The following DOCK2 variants were observed in gnomAD, a reference collection of about 807,000 sequenced individuals.
The protein encoded by DOCK2 is dedicator of cytokinesis 2, also known as dedicator of cytokinesis protein 2.
DOCK2 carries 87 observed loss-of-function variants against 248.9 expected under a neutral mutation model. That is an observed-to-expected ratio of 0.35 (90% confidence interval 0.29 to 0.42). The LOEUF is 0.42. Among genes scored for constraint, DOCK2 ranks in the 10% least tolerant of loss-of-function variants. The pLI is 1.00. For missense variants in DOCK2, 1,747 were observed against 2,300.2 expected (o/e 0.76, Z 4.92); for synonymous variants, 805 against 821.6 (o/e 0.98, Z 0.35).
intron 22 of DOCK2, among the ~76,000 whole-genome samples, chr5:169,728,534 C>T (rs1396632658): frequency 2.0e-5 from 3 of 152,012 alleles, no homozygotes; most frequent in African/African-American, 4.8e-5. Context: ...GAGGGAGTGT[C>T]GGCAGTGTCA....
chr5:169,867,834 C>A, intron 27 of DOCK2, among the ~76,000 whole-genome samples: 1 of 152,124 alleles, frequency 6.6e-6, no homozygotes, highest in East Asian at 1.9e-4. Flanking sequence ...CTTCATTCTC[C>A]CCAGTGGAAA....
chr5:169,658,412 G>A (rs1276654941), intron 2 of DOCK2, among the ~76,000 whole-genome samples: 1 of 145,046 alleles, frequency 6.9e-6, no homozygotes. Context: ...CCTGGGAGGC[G>A]GAGCTTGCAG....
chr5:170,019,005 T>C lies in DOCK2; in HGVS notation c.3278T>C (p.Leu1093Ser), dbSNP rs756069267. The change falls in exon 33 of 52, where the codon TTA becomes TCA. Residue 1093 changes from leucine (L) to serine (S), a missense_variant. Leu to Ser is a moderately radical substitution (Grantham distance 145, BLOSUM62 -2). This residue lies in a region of DOCK2 where 858 missense variants were observed against 1,183.5 expected (regional missense o/e 0.72). Coordinates refer to ENST00000520908, the MANE Select transcript of DOCK2 (RefSeq NM_004946.3). ...CFIPGMVGPI[L>S]EMTLIPEAEL... ...ATCCCAGGCATGGTAGGACCTATATTAGAGATGACACTTATCCCTGAGGCT... is the reference window on the plus strand; with the variant it reads ...ATCCCAGGCATGGTAGGACCTATATCAGAGATGACACTTATCCCTGAGGCT... 6.2e-7 allele frequency: 1 copy of C among 1,613,964 alleles called. No individual in the cohort carries two copies. The highest frequency in any genetic ancestry group is 1.3e-5 in the African/African-American group (1 of 74,912).
chr5:169,644,968 A>T (rs1198204996), intron 1 of DOCK2, among the ~76,000 whole-genome samples: 2 of 152,202 alleles, frequency 1.3e-5, no homozygotes, highest in Non-Finnish European at 2.9e-5. Context: ...TGCAAAGGAC[A>T]TGATCTCATT....
intron 20 of DOCK2, among the ~76,000 whole-genome samples, chr5:169,717,011 A>T (rs905403135): frequency 6.6e-6 from 1 of 152,224 alleles, no homozygotes; most frequent in Non-Finnish European, 1.5e-5. Context: ...AAGATGTTTC[A>T]TGACAAATAT....
intron 22 of DOCK2, among the ~76,000 whole-genome samples, chr5:169,732,400 C>T (rs1241968578): frequency 3.3e-5 from 5 of 152,136 alleles, no homozygotes; most frequent in Non-Finnish European, 7.4e-5. Context: ...ACGCCCGTTG[C>T]TTCAGTTATC....
chr5:169,705,098 G>A (rs1418653856), intron 14 of DOCK2, among the ~76,000 whole-genome samples: 2 of 152,090 alleles, frequency 1.3e-5, no homozygotes, highest in Non-Finnish European at 2.9e-5. Flanking sequence ...GGAGGCAGAG[G>A]TTGCAGTGAG....
At chr5:169,688,799 G>A (rs1311817074) in intron 8 of DOCK2, among the ~76,000 whole-genome samples, 1 of 152,178 alleles carries the variant, frequency 6.6e-6, no homozygotes, top group Non-Finnish European at 1.5e-5. Context: ...CAAGGAAACA[G>A]CTCTACATTC....
intron 26 of DOCK2, among the ~76,000 whole-genome samples, chr5:169,825,273 T>A (rs1171714296): frequency 6.6e-6 from 1 of 152,176 alleles, no homozygotes; most frequent in Non-Finnish European, 1.5e-5. Context: ...TTACTGGGTA[T>A]ATACCCAAAG....
At position 169,983,176 on chromosome 5, in the gene DOCK2, C is replaced by A; in HGVS notation, c.2898+10C>A. ...CAGCTCTGAACTTGTGGTGAGTCTG[C>A]AGGATGCTGGGGGTGAGGAAGAACT... On this transcript the variant is annotated intron_variant, in intron 28 of 51. Transcript: ENST00000520908. The A allele has an allele frequency of 6.2e-7, 1 of 1,613,752 alleles. No homozygotes were observed. The highest frequency in any genetic ancestry group is 8.5e-7 in the Non-Finnish European group (1 of 1,179,640).
At chr5:169,820,438 C>G (rs1167217709) in intron 26 of DOCK2, among the ~76,000 whole-genome samples, 1 of 152,240 alleles carries the variant, frequency 6.6e-6, no homozygotes, top group Non-Finnish European at 1.5e-5. Context: ...GAGGAACGAT[C>G]AGGCAGCAAC....
chr5:169,781,512 G>T (rs1367174651), intron 25 of DOCK2, among the ~76,000 whole-genome samples: 1 of 152,226 alleles, frequency 6.6e-6, no homozygotes, highest in Admixed American at 6.5e-5. Context: ...TGCCAGGACA[G>T]CATAGAACAA....
intron 27 of DOCK2, among the ~76,000 whole-genome samples, chr5:169,926,399 G>C (rs1775458648): frequency 6.6e-6 from 1 of 152,198 alleles, no homozygotes; most frequent in South Asian, 2.1e-4. Context: ...TATACATGCT[G>C]GCATTACTGT....
At chr5:170,080,315 G>T in intron 50 of DOCK2, 32 bp downstream of exon 50, 2 of 1,613,016 alleles carry the variant, frequency 1.2e-6, no homozygotes, top group South Asian at 2.2e-5. Context: ...GCATGAGGGA[G>T]TAGAGATAGT....
chr5:169,843,911 G>A (rs1387607652), intron 27 of DOCK2, among the ~76,000 whole-genome samples: 1 of 152,132 alleles, frequency 6.6e-6, no homozygotes, highest in Non-Finnish European at 1.5e-5. Context: ...CTGAATAATA[G>A]TGCATTATAT....
chr5:170,063,192 G>A (rs187775599), intron 44 of DOCK2, among the ~76,000 whole-genome samples: 86 of 152,298 alleles, frequency 5.6e-4, no homozygotes, highest in African/African-American at 1.9e-4. Flanking sequence ...CATTCCCTGA[G>A]AGTTGGTGCA....
chr5:169,747,246 C>A, intron 22 of DOCK2, 150 bp from the exon 23 acceptor site: 1 of 615,064 alleles, frequency 1.6e-6, no homozygotes, highest in Non-Finnish European at 2.7e-6. Flanking sequence ...GAGAATGATG[C>A]ACGCAGCATC....
intron 1 of DOCK2, among the ~76,000 whole-genome samples, chr5:169,638,806 A>C (rs1317772551): frequency 6.6e-6 from 1 of 152,130 alleles, no homozygotes; most frequent in East Asian, 1.9e-4. Flanking sequence ...TATTATTCCC[A>C]ACTTACAGGT....
intron 26 of DOCK2, among the ~76,000 whole-genome samples, chr5:169,808,225 C>T (rs986620066): frequency 6.6e-6 from 1 of 152,124 alleles, no homozygotes; most frequent in African/African-American, 2.4e-5. Context: ...CTATGTCCAC[C>T]TACTGGAGGC....
Sources: gnomAD v4.1 joint callset for allele counts (sites outside exome capture counted in the v4.1 genomes callset) on GRCh38, gnomAD v4.1.1 for gene constraint, gnomAD v4.1.1 regional missense constraint, MANE v1.5 for transcripts, NCBI Gene and HGNC (gene_info 2026-07-23, HGNC 2026-07-21) for gene names.